Variants in SERPINB7 observed in about 807,000 individuals in gnomAD.
The protein encoded by SERPINB7 is serpin B7.
A neutral mutation model predicts 37.4 loss-of-function variants in SERPINB7; 31 were observed. The ratio of observed to expected loss-of-function variants is 0.83; its 90% CI spans 0.62 to 1.12. The LOEUF is 1.12. SERPINB7 is among the 50% of genes most tolerant of loss of function. The probability of loss-of-function intolerance (pLI) is 0.00; values close to 1 mark genes in which losing one functional copy is unlikely to be tolerated. For synonymous variants in SERPINB7, 163 were observed against 166.1 expected (o/e 0.98, Z 0.14); for missense variants, 521 against 455.3 (o/e 1.14, Z -1.31).
intron 7 of SERPINB7, among the ~76,000 whole-genome samples, chr18:63,801,455 C>A (rs2049548434): frequency 6.6e-6 from 1 of 152,170 alleles, no homozygotes; most frequent in South Asian, 2.1e-4. Flanking sequence ...TCCCTGCCTG[C>A]TGCACAGACA....
intron 2 of SERPINB7, among the ~76,000 whole-genome samples, chr18:63,787,420 T>G (rs971726967): frequency 3.9e-5 from 6 of 152,258 alleles, no homozygotes; most frequent in Admixed American, 3.9e-4. Flanking sequence ...GAGAGTAATA[T>G]TAGTAATGAT....
chr18:63,753,388 A>G (rs578208042), intron 1 of SERPINB7, among the ~76,000 whole-genome samples: 2 of 152,304 alleles, frequency 1.3e-5, no homozygotes, highest in African/African-American at 4.8e-5. Flanking sequence ...AACATTGGCC[A>G]ACATATTTAA....
Position 63,796,281 on chromosome 18 carries a change from G to A in SERPINB7, c.352G>A (p.Ala118Thr), listed in dbSNP as rs760354003. The A allele has an allele frequency of 3.7e-6, 6 of 1,608,036 alleles. No individual in the cohort carries two copies. The highest frequency in any genetic ancestry group is 5.1e-6 in the Non-Finnish European group (6 of 1,174,720). Residue 118 changes from alanine (A) to threonine (T), a missense_variant, in exon 5 of 8, where the codon GCC (alanine) becomes ACC (threonine). Transcript: ENST00000398019. ...YGFHKDYIEC[A>T]EKLYDAKVER... is the part of the protein sequence containing the mutation. Reference sequence around the variant, plus strand: ...TTCTTTATAGGACTACATTGAGTGTGCCGAAAAATTATACGATGCCAAAGT... The same window carrying A: ...TTCTTTATAGGACTACATTGAGTGTACCGAAAAATTATACGATGCCAAAGT...
At chr18:63,760,911 C>T (rs1051642300) in intron 1 of SERPINB7, among the ~76,000 whole-genome samples, 3 of 152,234 alleles carry the variant, frequency 2.0e-5, no homozygotes, top group African/African-American at 7.2e-5. Flanking sequence ...TCATGGAGAA[C>T]CTTTGCTAGG....
chr18:63,759,153 T>C (rs1053386500), intron 1 of SERPINB7, among the ~76,000 whole-genome samples: 1 of 152,180 alleles, frequency 6.6e-6, no homozygotes, highest in South Asian at 2.1e-4. Context: ...TCCTATCCTA[T>C]CTTATATTTT....
Position 63,793,167 on chromosome 18 carries a change from C to A in SERPINB7, c.226C>A (p.Leu76Ile), listed in dbSNP as rs372032753. ...YGNSSNSQSG[L>I]QSQLKRVFSD... is the part of the protein sequence containing the mutation. ...TACATCTTTTTAATAACAGTCAGGG[C>A]TCCAGTCTCAACTGAAAAGAGTTTT... Residue 76 changes from leucine to isoleucine, a missense_variant, in exon 4 of 8, where the codon CTC becomes ATC. Transcript: ENST00000398019. The A allele has an allele frequency of 3.2e-6, 5 of 1,544,540 alleles. No homozygotes were observed. The highest frequency in any genetic ancestry group is 2.7e-5 in the African/African-American group (2 of 72,826).
At chr18:63,779,895 T>C (rs1372169642) in intron 1 of SERPINB7, among the ~76,000 whole-genome samples, 1 of 152,070 alleles carries the variant, frequency 6.6e-6, no homozygotes, top group African/African-American at 2.4e-5. Context: ...TAGTAAGGCA[T>C]AATTTGTAAA....
At chr18:63,800,789 A>G in intron 6 of SERPINB7, 77 bp from the exon 7 acceptor site, 1 of 1,516,144 alleles carries the variant, frequency 6.6e-7, no homozygotes, top group Non-Finnish European at 8.9e-7. Context: ...GACCAAGTAC[A>G]ATATTCTTAT....
At chr18:63,793,994 A>G (rs1486659686) in intron 4 of SERPINB7, among the ~76,000 whole-genome samples, 3 of 151,120 alleles carry the variant, frequency 2.0e-5, no homozygotes, top group Non-Finnish European at 4.4e-5. Context: ...CCCGGGATGG[A>G]GTGCACTGGC....
intron 4 of SERPINB7, among the ~76,000 whole-genome samples, chr18:63,795,196 C>T (rs2144635941): frequency 6.6e-6 from 1 of 152,248 alleles, no homozygotes; most frequent in East Asian, 1.9e-4. Flanking sequence ...CTCAGACAAT[C>T]TCAAAGGTAA....
intron 1 of SERPINB7, among the ~76,000 whole-genome samples, chr18:63,770,325 G>A (rs2049203322): frequency 6.6e-6 from 1 of 151,688 alleles, no homozygotes; most frequent in African/African-American, 2.4e-5. Context: ...AACAACAAAT[G>A]TAATACTAAG....
intron 1 of SERPINB7, among the ~76,000 whole-genome samples, chr18:63,757,744 C>G (rs193282134): frequency 3.9e-5 from 6 of 152,332 alleles, no homozygotes; most frequent in African/African-American, 1.2e-4. Context: ...CTTGGGAGTT[C>G]CTAATGAAAC....
chr18:63,800,829 TG>T, intron 6 of SERPINB7, 36 bp from the exon 7 acceptor site: 1 of 1,606,900 alleles, frequency 6.2e-7, no homozygotes. Context: ...TAAAATGAGG[TG>T]GGATCATAAA....
At chr18:63,759,703 G>A (rs1452176171) in intron 1 of SERPINB7, among the ~76,000 whole-genome samples, 1 of 152,144 alleles carries the variant, frequency 6.6e-6, no homozygotes, top group African/African-American at 2.4e-5. Flanking sequence ...CCCAGAGGGA[G>A]GTAATTGAAT....
chr18:63,770,873 G>GCACA (rs10634962), upstream of SERPINB7, among the ~76,000 whole-genome samples: 21,875 of 148,752 alleles, frequency 0.15, 1,793 homozygotes, highest in African/African-American at 0.22. Context: ...GTCTGCACAT[G>GCACA]CACACACACA....
chr18:63,785,403 C>T (rs922201192), intron 2 of SERPINB7, among the ~76,000 whole-genome samples: 1 of 152,116 alleles, frequency 6.6e-6, no homozygotes, highest in Non-Finnish European at 1.5e-5. Context: ...ATCTCTTTAA[C>T]CCAATCTTTT....
rs576872573 is a variant in SERPINB7 at position 63,782,254 on chromosome 18, A to G, written c.-18-101A>G. 34 of 809,186 alleles carry G rather than the reference A, an allele frequency of 4.2e-5. No individual in the cohort carries two copies. In the African/African-American group the frequency reaches 5.2e-4, roughly 12 times the overall value. 50.1% of individuals were successfully genotyped at this position (809,186 alleles called of 1,614,324 possible). On this transcript the variant is annotated intron_variant, in intron 1 of 7. Coordinates refer to ENST00000398019, the MANE Select transcript of SERPINB7 (RefSeq NM_003784.4). Reference sequence around the variant, plus strand: ...TTTGATGATTACCTCCAAGGCTGAAAAAAAATGAAGCTTTAAATTATAAAA... The same window carrying G: ...TTTGATGATTACCTCCAAGGCTGAAGAAAAATGAAGCTTTAAATTATAAAA...
At chr18:63,800,804 A>G in intron 6 of SERPINB7, 62 bp from the exon 7 acceptor site, 11 of 1,569,084 alleles carry the variant, frequency 7.0e-6, no homozygotes, top group Non-Finnish European at 7.8e-6. Context: ...TCTTATATGT[A>G]TTTGGTTAAT....
intron 2 of SERPINB7, among the ~76,000 whole-genome samples, chr18:63,784,990 G>A (rs937687329): frequency 1.3e-5 from 2 of 152,196 alleles, no homozygotes; most frequent in African/African-American, 4.8e-5. Flanking sequence ...GGTGAACTGA[G>A]AGAGCTGCTG....
Sources: gnomAD v4.1 joint callset for allele counts (sites outside exome capture counted in the v4.1 genomes callset) on GRCh38, gnomAD v4.1.1 for gene constraint, MANE v1.5 for transcripts, NCBI Gene and HGNC (gene_info 2026-07-23, HGNC 2026-07-21) for gene names.